Variants in ABCA4 observed in about 807,000 individuals in gnomAD.
The protein encoded by ABCA4 is retinal-specific phospholipid-transporting ATPase ABCA4.
Under a neutral mutation model 263.7 loss-of-function variants are expected in ABCA4, and 196 were observed. The ratio of observed to expected loss-of-function variants is 0.74; its 90% confidence interval spans 0.66 to 0.84. The LOEUF (loss-of-function observed/expected upper bound fraction) is 0.84. Ranked by LOEUF, ABCA4 falls within the 40% of genes least tolerant of loss-of-function variation. The pLI is 0.00. For missense variants in ABCA4, 2,792 were observed against 2,855.1 expected, an observed-to-expected ratio of 0.98 and a Z score of 0.50; for synonymous variants, 1,133 against 1,094.2, an observed-to-expected ratio of 1.04 and a Z score of -0.70.
At chr1:94,041,175 C>T (rs1660475976) in intron 23 of ABCA4, 34 bp downstream of exon 23, 1 of 1,612,986 alleles carries the variant, frequency 6.2e-7, no homozygotes, top group Non-Finnish European at 8.5e-7. Context: ...TCCTTCTCAC[C>T]CAGGCCAGGG....
chr1:94,013,972 A>G (rs1015817902), intron 38 of ABCA4, among the ~76,000 whole-genome samples: 1 of 152,172 alleles, frequency 6.6e-6, no homozygotes. Flanking sequence ...TTTTCATTGT[A>G]TGCCTTTTTG....
At chr1:94,011,680 C>A (rs1368083067) in intron 38 of ABCA4, among the ~76,000 whole-genome samples, 2 of 152,208 alleles carry the variant, frequency 1.3e-5, no homozygotes, top group African/African-American at 4.8e-5. Context: ...GGAGCTTCCC[C>A]TTTGTCTAGC....
chr1:94,013,418 A>G (rs574134593), intron 38 of ABCA4, among the ~76,000 whole-genome samples: 1 of 152,330 alleles, frequency 6.6e-6, no homozygotes, highest in South Asian at 2.1e-4. Context: ...AGTGGGGCCC[A>G]GAGGCAGGTG....
chr1:94,100,529 A>G (rs1662257915), intron 5 of ABCA4, among the ~76,000 whole-genome samples: 1 of 152,198 alleles, frequency 6.6e-6, no homozygotes, highest in Admixed American at 6.5e-5. Flanking sequence ...AGTAGGGAAG[A>G]GGGAGAAGGC....
chr1:94,103,204 C>T, intron 4 of ABCA4, 62 bp from the exon 5 acceptor site: 4 of 1,590,868 alleles, frequency 2.5e-6, no homozygotes, highest in Non-Finnish European at 2.6e-6. Context: ...AAAAGGAAAA[C>T]AGCCAGAGTC....
At chr1:94,017,711 G>C (rs776395192) in intron 36 of ABCA4, among the ~76,000 whole-genome samples, 1 of 152,092 alleles carries the variant, frequency 6.6e-6, no homozygotes, top group Non-Finnish European at 1.5e-5. Flanking sequence ...TACATCGGAC[G>C]TGCTGAGGGG....
In ABCA4 at chr1:94,029,587, ACAGAAGGAGTCTTC is replaced by A. The variant is rs1299499367; in HGVS notation, c.4383_4396del (p.Trp1461CysfsTer89). On this transcript the variant is annotated frameshift_variant, in exon 30 of 50. Transcript: ENST00000370225. LOFTEE classifies it high-confidence loss of function. ...GAACAGCTGGGTGATGTTTGGGGAC[ACAGAAGGAGTCTTC>A]CAGGGTGTTGAGTTGCCACAGGGGT... The A allele has an allele frequency of 6.2e-7, 1 of 1,614,070 alleles. No homozygotes were observed. The highest frequency in any genetic ancestry group is 1.7e-5 in the Admixed American group (1 of 60,000).
At chr1:94,044,043 T>G in intron 20 of ABCA4, among the ~76,000 whole-genome samples, 1 of 150,630 alleles carries the variant, frequency 6.6e-6, no homozygotes, top group South Asian at 2.1e-4. Context: ...GTTCCCTTCC[T>G]TCTCCCCTCC....
In ABCA4 at chr1:94,014,574, G is replaced by A. The variant is rs1327166984; in HGVS notation, c.5429C>T (p.Thr1810Ile). The A allele has an allele frequency of 8.7e-6, 14 of 1,614,198 alleles. No homozygotes were observed. Among genetic ancestry groups the A allele is most frequent in the Middle Eastern group, 3.3e-4 (2 of 6,062 alleles). Residue 1810 changes from threonine (T) to isoleucine (I), a missense_variant, in exon 38 of 50, where the codon ACC becomes ATC. By Grantham distance (89) the Thr-to-Ile change is moderately conservative. Transcript: ENST00000370225. ...ATTCTCAAATAATTCCAAGATGAAG[G>A]TAATAGCACTGCTGTTGATGCCGAT... ...LFIGINSSAI[T>I]FILELFENNR...
Position 94,019,599 on chromosome 1 carries a change from T to A in ABCA4, c.5179A>T (p.Asn1727Tyr). The change falls in exon 36 of 50, where the codon AAC becomes TAC. Residue 1727 changes from asparagine (N) to tyrosine (Y), a missense_variant. Physicochemically the swap from Asn to Tyr is moderately radical, Grantham distance 143. Transcript: ENST00000370225. ...ACACTTACGATGTCCCAGAGGAAGT[T>A]GGTCACCCAGTAGGTGGTGGGGCTC... ...GVSPTTYWVTNFLWDIMNYSV... is the reference protein window; with the variant it reads ...GVSPTTYWVTYFLWDIMNYSV... 6.2e-7 allele frequency: 1 copy of A among 1,608,472 alleles called. No homozygotes were observed. Among genetic ancestry groups the A allele is most frequent in the South Asian group, 1.1e-5 (1 of 89,858 alleles).
intron 17 of ABCA4, among the ~76,000 whole-genome samples, chr1:94,049,636 C>T (rs1474208920): frequency 1.3e-5 from 2 of 152,060 alleles, no homozygotes; most frequent in African/African-American, 2.4e-5. Context: ...AAAACAAAAA[C>T]AAAAACAAAG....
chr1:94,039,467 A>G lies in ABCA4; in HGVS notation c.3607+576T>C, dbSNP rs1255145285. Among the ~76,000 whole-genome samples, 3 of 152,220 alleles carry G rather than the reference A, an allele frequency of 2.0e-5. No individual in the cohort carries two copies. The East Asian group carries it at 5.8e-4, about 29-fold the overall frequency. Reference sequence around the variant, plus strand: ...ATACGCTTCTCACACATTCTCTCACATAGAGAGGGGATAGCCTCTCCACTG... The same window carrying G: ...ATACGCTTCTCACACATTCTCTCACGTAGAGAGGGGATAGCCTCTCCACTG... On this transcript the variant is annotated intron_variant, in intron 24 of 49. Transcript: ENST00000370225.
At chr1:94,059,679 T>C (rs193052196) in intron 14 of ABCA4, 1 of 152,366 alleles carries the variant, frequency 6.6e-6, no homozygotes, top group Admixed American at 6.5e-5. Flanking sequence ...GGGGAAGAAG[T>C]AGAACAAGCT....
At chr1:94,069,643 T>A in intron 11 of ABCA4, among the ~76,000 whole-genome samples, 1 of 152,224 alleles carries the variant, frequency 6.6e-6, no homozygotes, top group Non-Finnish European at 1.5e-5. Context: ...CATCCCAGAA[T>A]GAGTTTCCTG....
intron 6 of ABCA4, among the ~76,000 whole-genome samples, chr1:94,089,874 A>AT (rs1027456670): frequency 1.3e-5 from 2 of 152,204 alleles, no homozygotes; most frequent in African/African-American, 4.8e-5. Flanking sequence ...CTATACATAC[A>AT]TTTTCAAAGA....
At chr1:94,057,417 T>A (rs1661013023) in intron 14 of ABCA4, among the ~76,000 whole-genome samples, 1 of 152,212 alleles carries the variant, frequency 6.6e-6, no homozygotes, top group African/African-American at 2.4e-5. Flanking sequence ...GTAGGGGGTC[T>A]TGGAGCATCT....
intron 6 of ABCA4, among the ~76,000 whole-genome samples, chr1:94,098,138 T>G (rs1662180693): frequency 6.6e-6 from 1 of 152,180 alleles, no homozygotes; most frequent in Non-Finnish European, 1.5e-5. Flanking sequence ...ATCTTATCCT[T>G]CTAGCAAAGG....
chr1:94,010,048 A>G (rs1325298110), intron 40 of ABCA4, among the ~76,000 whole-genome samples: 2 of 152,234 alleles, frequency 1.3e-5, no homozygotes, highest in Non-Finnish European at 2.9e-5. Context: ...TCAAAACATA[A>G]AACCAAGTCC....
rs200667012 is a variant in ABCA4, at chr1:94,048,853, T to C, written c.2743+15A>G. On this transcript the variant is annotated intron_variant, in intron 18 of 49. Coordinates refer to ENST00000370225, the MANE Select transcript of ABCA4 (RefSeq NM_000350.3). ...TTTCCTCGCCTCTGCTGTGTATTCT[T>C]TATCGGGGTTTTACCGTGTATTCCT... 1.9e-6 allele frequency: 3 copies of C among 1,613,374 alleles called. No individual in the cohort carries two copies. The highest frequency in any genetic ancestry group is 2.5e-6 in the Non-Finnish European group (3 of 1,179,422).
Sources: gnomAD v4.1 joint callset for allele counts (sites outside exome capture counted in the v4.1 genomes callset) on GRCh38, gnomAD v4.1.1 for gene constraint, MANE v1.5 for transcripts, NCBI Gene and HGNC (gene_info 2026-07-23, HGNC 2026-07-21) for gene names.